Variants in NCKAP5 observed in about 807,000 individuals in gnomAD.
NCKAP5 encodes nck-associated protein 5.
In NCKAP5, 92 loss-of-function variants were observed where a neutral mutation model predicts 167.0. The ratio of observed to expected loss-of-function variants is 0.55; its 90% CI spans 0.47 to 0.66. The LOEUF (loss-of-function observed/expected upper bound fraction) is 0.66, where lower values mean the gene tolerates loss of function less well. Ranked by LOEUF, NCKAP5 falls within the 30% of genes least tolerant of loss-of-function variation. The pLI is 0.00. For missense variants in NCKAP5, 2,378 were observed against 2,315.0 expected (o/e 1.03, Z -0.56); for synonymous variants, 891 against 877.4 (o/e 1.02, Z -0.27).
At chr2:133,247,474 A>G (rs1162585936) in intron 4 of NCKAP5, among the ~76,000 whole-genome samples, 2 of 152,200 alleles carry the variant, frequency 1.3e-5, no homozygotes, top group African/African-American at 4.8e-5. Flanking sequence ...TTAAAATCCC[A>G]TAAGTAGCCT....
chr2:133,231,583 T>A (rs962117133), intron 4 of NCKAP5, among the ~76,000 whole-genome samples: 15 of 152,166 alleles, frequency 9.9e-5, no homozygotes, highest in African/African-American at 3.4e-4. Context: ...TGGTACTTAC[T>A]TGCTGTATAA....
the NCKAP5 span, among the ~76,000 whole-genome samples, chr2:133,672,963 A>G: frequency 6.6e-6 from 1 of 152,130 alleles, no homozygotes; most frequent in Admixed American, 6.5e-5. Flanking sequence ...TCTCAGCTCT[A>G]ATTCCATGTT....
intron 7 of NCKAP5, among the ~76,000 whole-genome samples, chr2:132,969,029 T>C (rs1287523120): frequency 6.6e-6 from 1 of 152,104 alleles, no homozygotes; most frequent in African/African-American, 2.4e-5. Context: ...CTGTAAAATA[T>C]CACTGACTTA....
At chr2:133,364,803 G>A (rs757969146) in intron 3 of NCKAP5, among the ~76,000 whole-genome samples, 3 of 151,280 alleles carry the variant, frequency 2.0e-5, no homozygotes, top group Non-Finnish European at 4.4e-5. Context: ...CACCCAGGCT[G>A]GAGTGCTGTA....
At chr2:132,871,313 TAAACAAAACAAAACA>T (rs72132416) in intron 9 of NCKAP5, among the ~76,000 whole-genome samples, 1 of 151,760 alleles carries the variant, frequency 6.6e-6, no homozygotes, top group East Asian at 1.9e-4. Context: ...TGTTGGCAAA[TAAACAAAACAAAACA>T]AAACAAAACA....
Position 133,303,162 on chromosome 2 carries a change from T to A in NCKAP5, c.70-52A>T. 2.4e-6 allele frequency: 3 copies of A among 1,262,858 alleles called. No homozygotes were observed. The South Asian group carries it at 3.8e-5, about 16-fold the overall frequency. 78.2% of individuals were successfully genotyped at this position (1,262,858 alleles called of 1,614,324 possible). A position where few individuals can be genotyped will look rare whatever the true frequency, so the allele number is the denominator to read the frequency against. On this transcript the variant is annotated intron_variant, in intron 3 of 19. Transcript: ENST00000409261. ...AAACTCACTATGACAGTCCCCACCATCCTAAGACCCTGACCTTATCTCTAC... is the reference window on the plus strand; with the variant it reads ...AAACTCACTATGACAGTCCCCACCAACCTAAGACCCTGACCTTATCTCTAC...
At chr2:133,563,935 A>G (rs1688361105) in intron 1 of NCKAP5, among the ~76,000 whole-genome samples, 1 of 152,134 alleles carries the variant, frequency 6.6e-6, no homozygotes, top group Non-Finnish European at 1.5e-5. Flanking sequence ...GGAGTTTGAG[A>G]CCAGCCCGGC....
chr2:133,186,011 G>A (rs529256324), intron 5 of NCKAP5, among the ~76,000 whole-genome samples: 1 of 152,142 alleles, frequency 6.6e-6, no homozygotes, highest in South Asian at 2.1e-4. Context: ...AATAGGAGTG[G>A]TAAGAGTAAG....
chr2:133,284,842 C>T (rs1228997961), intron 4 of NCKAP5: 1 of 152,132 alleles, frequency 6.6e-6, no homozygotes, highest in Non-Finnish European at 1.5e-5. Context: ...CATCCTGAAC[C>T]TCTGAACTTT....
chr2:133,116,651 T>G (rs1273023178), intron 6 of NCKAP5, among the ~76,000 whole-genome samples: 1 of 152,114 alleles, frequency 6.6e-6, no homozygotes, highest in African/African-American at 2.4e-5. Flanking sequence ...CAAACATAAA[T>G]ATTGCACTGA....
intron 6 of NCKAP5, among the ~76,000 whole-genome samples, chr2:133,095,800 T>C (rs2081327353): frequency 6.6e-6 from 1 of 152,240 alleles, no homozygotes. Flanking sequence ...CTCCTATTGA[T>C]AAACAGTGTT....
chr2:133,340,671 T>A (rs1271548369), intron 3 of NCKAP5, among the ~76,000 whole-genome samples: 1 of 152,158 alleles, frequency 6.6e-6, no homozygotes, highest in Admixed American at 6.6e-5. Context: ...ATAACAATAA[T>A]CCTTGATGCA....
intron 3 of NCKAP5, among the ~76,000 whole-genome samples, chr2:133,492,144 A>AGTGTGTGTGTGT (rs371797170): frequency 0.029 from 4,064 of 141,634 alleles, 74 homozygotes; most frequent in Non-Finnish European, 0.038. Context: ...ATATCTAGTT[A>AGTGTGTGTGTGT]GTGTGTGTGT....
chr2:133,001,352 G>T (rs2077772179), intron 6 of NCKAP5, among the ~76,000 whole-genome samples: 1 of 151,480 alleles, frequency 6.6e-6, no homozygotes, highest in Non-Finnish European at 1.5e-5. Context: ...CCAGATAGCT[G>T]GAACTAAAGA....
chr2:132,877,240 A>T (rs1022280179), intron 9 of NCKAP5, among the ~76,000 whole-genome samples: 1 of 152,182 alleles, frequency 6.6e-6, no homozygotes, highest in Non-Finnish European at 1.5e-5. Context: ...CATTGTCAAG[A>T]TTATTCTGGT....
intron 11 of NCKAP5, among the ~76,000 whole-genome samples, chr2:132,837,552 A>G (rs1687979744): frequency 6.8e-6 from 1 of 147,744 alleles, no homozygotes; most frequent in East Asian, 2.0e-4. Context: ...CTCTTTGTAT[A>G]GTACAATTTT....
chr2:133,073,502 G>A (rs952154219), intron 6 of NCKAP5, among the ~76,000 whole-genome samples: 1 of 152,198 alleles, frequency 6.6e-6, no homozygotes, highest in African/African-American at 2.4e-5. Flanking sequence ...TTCTGGGCCA[G>A]TCTGAACAGG....
At chr2:133,038,216 T>C (rs1015991878) in intron 6 of NCKAP5, among the ~76,000 whole-genome samples, 4 of 152,086 alleles carry the variant, frequency 2.6e-5, no homozygotes, top group African/African-American at 7.2e-5. Context: ...TGGAAGGAAC[T>C]GAAGTGTTCA....
chr2:133,067,472 T>C (rs1299617137), intron 6 of NCKAP5, among the ~76,000 whole-genome samples: 4 of 152,250 alleles, frequency 2.6e-5, no homozygotes, highest in Admixed American at 6.5e-5. Context: ...AGCTGGCCTA[T>C]GCAGTAGTCA....
Sources: allele counts gnomAD v4.1 joint callset (sites outside exome capture counted in the v4.1 genomes callset), GRCh38; gene constraint gnomAD v4.1.1; transcripts MANE v1.5; gene names NCBI Gene and HGNC (gene_info 2026-07-23, HGNC 2026-07-21).